GBE1: variants seen among roughly 807,000 people sequenced by gnomAD.
GBE1 encodes the protein 1,4-alpha-glucan branching enzyme 1, also known as 1,4-alpha-glucan-branching enzyme.
Under a neutral mutation model 88.8 loss-of-function variants are expected in GBE1, and 70 were observed. That is an observed-to-expected ratio of 0.79 (90% CI 0.65 to 0.96). GBE1 has a LOEUF of 0.96. GBE1 is among the 40% of genes least tolerant of loss of function. The pLI, the probability that GBE1 is intolerant of heterozygous loss-of-function variation, is 0.00. For synonymous variants in GBE1, 284 were observed against 300.1 expected, an observed-to-expected ratio of 0.95 and a Z score of 0.56; for missense variants, 872 against 871.0, an observed-to-expected ratio of 1.00 and a Z score of -0.01.
At chr3:81,718,227 G>A (rs1323705647) in intron 1 of GBE1, among the ~76,000 whole-genome samples, 2 of 151,974 alleles carry the variant, frequency 1.3e-5, no homozygotes, top group Non-Finnish European at 1.5e-5. Context: ...TGATCCACCC[G>A]CCTCAGCTTC....
intron 6 of GBE1, among the ~76,000 whole-genome samples, chr3:81,644,909 G>A (rs531326866): frequency 6.6e-6 from 1 of 152,240 alleles, no homozygotes; most frequent in East Asian, 1.9e-4. Context: ...GGGAGGAACA[G>A]AAAGGGACAA....
chr3:81,547,625 T>TTCTCTCTCTC (rs56681369), intron 12 of GBE1, among the ~76,000 whole-genome samples: 1,460 of 138,262 alleles, frequency 0.011, 32 homozygotes, highest in African/African-American at 0.032. Flanking sequence ...GGTTCGTTTG[T>TTCTCTCTCTC]TCTCTCTCTC....
At chr3:81,702,495 C>T (rs1461992450) in intron 2 of GBE1, among the ~76,000 whole-genome samples, 1 of 151,902 alleles carries the variant, frequency 6.6e-6, no homozygotes, top group Non-Finnish European at 1.5e-5. Flanking sequence ...ACTGCCTGTC[C>T]TTAACTATTT....
At chr3:81,597,171 T>C (rs1393502089) in intron 7 of GBE1, among the ~76,000 whole-genome samples, 1 of 151,850 alleles carries the variant, frequency 6.6e-6, no homozygotes, top group Admixed American at 6.6e-5. Flanking sequence ...CAATTTACTT[T>C]TTCTACCTCA....
chr3:81,736,865 T>G (rs1184858597), intron 1 of GBE1, among the ~76,000 whole-genome samples: 2 of 152,122 alleles, frequency 1.3e-5, no homozygotes, highest in East Asian at 3.8e-4. Context: ...CCAAGGAAAC[T>G]GTAATTAAAA....
At position 81,750,601 on chromosome 3, in the gene GBE1, G is replaced by GTATATATATA. The variant is rs1290586284; in HGVS notation, c.143+10773_143+10774insTATATATATA. ...CGTATATATATACGTATATATATAT[G>GTATATATATA]TGTATATATATATATGTATATATAT... is the stretch of plus-strand genomic sequence containing the variant. On this transcript the variant is annotated intron_variant, in intron 1 of 15. Coordinates refer to ENST00000429644, the MANE Select transcript of GBE1 (RefSeq NM_000158.4). 1.2e-3 allele frequency among the ~76,000 whole-genome samples: 43 copies of GTATATATATA among 35,790 alleles called. 5 individuals carry two copies. Among genetic ancestry groups the GTATATATATA allele is most frequent in the East Asian group, 9.1e-3 (5 of 548 alleles). 23.5% of individuals were successfully genotyped at this position (35,790 alleles called of 152,430 possible). A position where few individuals can be genotyped will look rare whatever the true frequency, so the allele number is the denominator to read the frequency against.
chr3:81,761,404 C>T lies in GBE1; in HGVS notation c.114G>A (p.Leu38=), dbSNP rs932010631. The change falls in exon 1 of 16, where the codon TTG becomes TTA. Residue 38 remains leucine, a synonymous_variant. Transcript: ENST00000429644. Reference sequence around the variant, plus strand: ...GCTGGAAGTCCACGGCGTAGGGCTTCAAGTACGGGTCGATCTCCAGGAGTC... The same window carrying T: ...GCTGGAAGTCCACGGCGTAGGGCTTTAAGTACGGGTCGATCTCCAGGAGTC... ...LARLLEIDPY[L]KPYAVDFQRR... 3.1e-6 allele frequency: 5 copies of T among 1,613,012 alleles called. No homozygotes were observed. Among genetic ancestry groups the T allele is most frequent in the Admixed American group, 3.3e-5 (2 of 59,982 alleles).
chr3:81,724,130 A>G (rs898206866), intron 1 of GBE1, among the ~76,000 whole-genome samples: 1 of 152,210 alleles, frequency 6.6e-6, no homozygotes, highest in Non-Finnish European at 1.5e-5. Flanking sequence ...TTTCTCCACA[A>G]GACTCCATTC....
chr3:81,711,618 A>T (rs1015557135), intron 1 of GBE1, among the ~76,000 whole-genome samples: 1 of 152,170 alleles, frequency 6.6e-6, no homozygotes, highest in Non-Finnish European at 1.5e-5. Context: ...GAAAGCTGAA[A>T]CTGGATCCCT....
chr3:81,530,205 G>T (rs1702994210), intron 14 of GBE1, among the ~76,000 whole-genome samples: 1 of 150,856 alleles, frequency 6.6e-6, no homozygotes, highest in South Asian at 2.1e-4. Context: ...AAATTCATCT[G>T]ATAGAATTCT....
At chr3:81,617,528 A>AT in intron 7 of GBE1, among the ~76,000 whole-genome samples, 1 of 151,786 alleles carries the variant, frequency 6.6e-6, no homozygotes, top group Admixed American at 6.6e-5. Flanking sequence ...TTGTGTTGGG[A>AT]TTTTAAATAC....
At chr3:81,714,668 T>C (rs1216470836) in intron 1 of GBE1, among the ~76,000 whole-genome samples, 1 of 152,216 alleles carries the variant, frequency 6.6e-6, no homozygotes, top group African/African-American at 2.4e-5. Context: ...AGCAGCTATC[T>C]GAAGAGGCCA....
intron 12 of GBE1, among the ~76,000 whole-genome samples, chr3:81,552,727 C>A (rs1177558856): frequency 6.6e-6 from 1 of 151,914 alleles, no homozygotes; most frequent in Non-Finnish European, 1.5e-5. Context: ...AATTATACAT[C>A]TCTTAATTCC....
At chr3:81,730,749 T>C (rs1394987377) in intron 1 of GBE1, among the ~76,000 whole-genome samples, 1 of 152,114 alleles carries the variant, frequency 6.6e-6, no homozygotes, top group Admixed American at 6.6e-5. Context: ...GGAATGAAAC[T>C]CTTAAAGGTT....
At chr3:81,557,567 G>T (rs1311767147) in intron 12 of GBE1, among the ~76,000 whole-genome samples, 3 of 151,948 alleles carry the variant, frequency 2.0e-5, no homozygotes, top group African/African-American at 7.2e-5. Context: ...TTATAGGGAG[G>T]ATGACTTCAG....
At chr3:81,595,112 G>A (rs577032912) in intron 7 of GBE1, among the ~76,000 whole-genome samples, 6 of 146,486 alleles carry the variant, frequency 4.1e-5, no homozygotes, top group Admixed American at 6.8e-5. Context: ...TTTGAGTTTC[G>A]AAAATTTACT....
Position 81,516,887 on chromosome 3 carries a change from C to T in GBE1, c.1935-17660G>A, listed in dbSNP as rs1042525558. On this transcript the variant is annotated intron_variant, in intron 14 of 15. Transcript: ENST00000429644. Reference sequence around the variant, plus strand: ...AGACGTGACTGAATTGCTGCAGTCTCGTGATAAAACTTTAATGGATGAGGA... The same window carrying T: ...AGACGTGACTGAATTGCTGCAGTCTTGTGATAAAACTTTAATGGATGAGGA... Among the ~76,000 whole-genome samples, 4 of 151,536 alleles carry T rather than the reference C, an allele frequency of 2.6e-5. No individual in the cohort carries two copies. The South Asian group carries it at 8.3e-4, about 32-fold the overall frequency.
chr3:81,750,609 ATATATATGTATATATATATACG>A lies in GBE1; in HGVS notation c.143+10744_143+10765del, dbSNP rs1559708668. On this transcript the variant is annotated intron_variant, in intron 1 of 15. Coordinates refer to ENST00000429644, the MANE Select transcript of GBE1 (RefSeq NM_000158.4). Reference sequence around the variant, plus strand: ...TATACGTATATATATATGTGTATATATATATATGTATATATATATACGTATATATATATATGTATATATATAT... The same window carrying A: ...TATACGTATATATATATGTGTATATATATATATATATATGTATATATATAT... 2.6e-3 allele frequency among the ~76,000 whole-genome samples: 195 copies of A among 73,718 alleles called. 23 individuals carry two copies. The highest frequency in any genetic ancestry group is 0.01 in the Middle Eastern group (2 of 196). 48.4% of individuals were successfully genotyped at this position (73,718 alleles called of 152,430 possible). A position where few individuals can be genotyped will look rare whatever the true frequency, so the allele number is the denominator to read the frequency against.
intron 1 of GBE1, among the ~76,000 whole-genome samples, chr3:81,728,533 T>C (rs1283788626): frequency 6.6e-6 from 1 of 152,146 alleles, no homozygotes; most frequent in Non-Finnish European, 1.5e-5. Flanking sequence ...TAAATGTGGC[T>C]AGCAGTGGAT....
Sources: allele counts gnomAD v4.1 joint callset (sites outside exome capture counted in the v4.1 genomes callset), GRCh38; gene constraint gnomAD v4.1.1; transcripts MANE v1.5; gene names NCBI Gene and HGNC (gene_info 2026-07-23, HGNC 2026-07-21).